Variants in RBFOX1 observed in about 807,000 individuals in gnomAD.
RBFOX1 encodes the protein RNA binding fox-1 homolog 1.
Under a neutral mutation model 57.7 loss-of-function variants are expected in RBFOX1, and 8 were observed. That is an observed-to-expected ratio of 0.14 (90% CI 0.08 to 0.25). The LOEUF (loss-of-function observed/expected upper bound fraction) is 0.25. Among genes scored for constraint, RBFOX1 ranks in the 10% least tolerant of loss-of-function variants. RBFOX1 has a pLI of 1.00. For synonymous variants in RBFOX1, 326 were observed against 222.4 expected, an observed-to-expected ratio of 1.47 and a Z score of -4.15; for missense variants, 611 against 548.5, an observed-to-expected ratio of 1.11 and a Z score of -1.14.
intron 1 of RBFOX1, among the ~76,000 whole-genome samples, chr16:6,146,132 C>T (rs894861889): frequency 1.3e-5 from 2 of 152,096 alleles, no homozygotes; most frequent in Non-Finnish European, 2.9e-5. Flanking sequence ...CCCTTTATAT[C>T]ACCCCGAAAA....
At chr16:5,801,166 A>T (rs545309432) in intron 3 of RBFOX1, among the ~76,000 whole-genome samples, 81 of 152,268 alleles carry the variant, frequency 5.3e-4, no homozygotes, top group African/African-American at 1.9e-3. Context: ...TTTTAATTAG[A>T]TCCCTTTACC....
At chr16:7,673,213 T>C (rs1297006006) in intron 13 of RBFOX1, among the ~76,000 whole-genome samples, 3 of 152,168 alleles carry the variant, frequency 2.0e-5, no homozygotes, top group Non-Finnish European at 4.4e-5. Flanking sequence ...TTTTCAAAAG[T>C]GATCTAAAGT....
intron 1 of RBFOX1, among the ~76,000 whole-genome samples, chr16:5,348,036 A>C (rs1243964326): frequency 1.4e-3 from 107 of 78,560 alleles, no homozygotes; most frequent in Middle Eastern, 8.8e-3. Flanking sequence ...CCCACCCATC[A>C]ACCCATCCAC....
chr16:6,993,444 G>A (rs958237123), intron 3 of RBFOX1, among the ~76,000 whole-genome samples: 16 of 152,124 alleles, frequency 1.1e-4, no homozygotes, highest in African/African-American at 2.9e-4. Flanking sequence ...TGCTGGCTGA[G>A]GGATCCATCA....
chr16:7,211,429 A>G (rs1196752372), intron 4 of RBFOX1, among the ~76,000 whole-genome samples: 1 of 149,210 alleles, frequency 6.7e-6, no homozygotes, highest in Non-Finnish European at 1.5e-5. Context: ...TCTGGTTTCT[A>G]AATTTAAACG....
intron 1 of RBFOX1, among the ~76,000 whole-genome samples, chr16:5,288,793 A>G (rs2063462295): frequency 6.6e-6 from 1 of 152,066 alleles, no homozygotes; most frequent in African/African-American, 2.4e-5. Flanking sequence ...ACCCAGCATC[A>G]CAGCGGCATG....
intron 4 of RBFOX1, chr16:7,126,153 T>C (rs1011334381): frequency 2.6e-5 from 4 of 153,548 alleles, no homozygotes; most frequent in African/African-American, 9.7e-5. Context: ...AATAACTGTG[T>C]CACTTCTCCC....
chr16:5,481,431 T>A (rs560637500), intron 2 of RBFOX1, among the ~76,000 whole-genome samples: 33 of 152,368 alleles, frequency 2.2e-4, no homozygotes, highest in African/African-American at 6.0e-4. Context: ...TCTAACCCAG[T>A]GTATTTTCAG....
chr16:5,615,224 T>A (rs1209073306), intron 3 of RBFOX1, among the ~76,000 whole-genome samples: 2 of 152,082 alleles, frequency 1.3e-5, no homozygotes, highest in Non-Finnish European at 2.9e-5. Context: ...ACAGATGGAG[T>A]CTCACTATGT....
intron 1 of RBFOX1, among the ~76,000 whole-genome samples, chr16:5,301,634 A>T (rs113002671): frequency 0.018 from 2,733 of 150,370 alleles, 82 homozygotes; most frequent in African/African-American, 0.063. Flanking sequence ...AAAAAAAAAA[A>T]AAAACACACA....
chr16:7,695,490 T>TA (rs1598313158), intron 14 of RBFOX1, among the ~76,000 whole-genome samples: 1 of 151,790 alleles, frequency 6.6e-6, no homozygotes, highest in African/African-American at 2.4e-5. Context: ...CCATCTCTAC[T>TA]AAAAATACAA....
intron 1 of RBFOX1, among the ~76,000 whole-genome samples, chr16:5,390,895 C>T (rs997349397): frequency 1.3e-5 from 2 of 152,190 alleles, no homozygotes; most frequent in African/African-American, 4.8e-5. Flanking sequence ...CCAGAGGAAG[C>T]AGAGCATAGG....
intron 4 of RBFOX1, among the ~76,000 whole-genome samples, chr16:7,207,727 G>T (rs553594169): frequency 6.6e-6 from 1 of 152,340 alleles, no homozygotes; most frequent in Non-Finnish European, 1.5e-5. Flanking sequence ...TCTCTGTAAG[G>T]CAGTTGCCTC....
At chr16:5,668,509 T>C (rs775894166) in intron 3 of RBFOX1, among the ~76,000 whole-genome samples, 1 of 152,182 alleles carries the variant, frequency 6.6e-6, no homozygotes, top group African/African-American at 2.4e-5. Context: ...AAGTACTTAA[T>C]AGAGCAATCT....
At chr16:6,797,139 C>T (rs2084251484) in intron 3 of RBFOX1, among the ~76,000 whole-genome samples, 1 of 152,198 alleles carries the variant, frequency 6.6e-6, no homozygotes, top group Non-Finnish European at 1.5e-5. Context: ...TTTTACTACT[C>T]TGCAGATAGG....
At chr16:6,395,456 AC>A (rs1471738782) in intron 2 of RBFOX1, among the ~76,000 whole-genome samples, 1 of 152,036 alleles carries the variant, frequency 6.6e-6, no homozygotes, top group Non-Finnish European at 1.5e-5. Flanking sequence ...GTAACTTTCT[AC>A]CTTGTGACTA....
chr16:5,657,529 C>G (rs2049467841), intron 3 of RBFOX1, among the ~76,000 whole-genome samples: 1 of 152,072 alleles, frequency 6.6e-6, no homozygotes, highest in Non-Finnish European at 1.5e-5. Flanking sequence ...TGTGGCTCAG[C>G]TGTCATATAG....
intron 3 of RBFOX1, among the ~76,000 whole-genome samples, chr16:5,849,178 T>C (rs928703828): frequency 6.6e-6 from 1 of 152,096 alleles, no homozygotes; most frequent in African/African-American, 2.4e-5. Context: ...TCTTCTTTTT[T>C]CATGGCCTTC....
chr16:6,618,012 C>T (rs949805727), intron 2 of RBFOX1, among the ~76,000 whole-genome samples: 1 of 152,128 alleles, frequency 6.6e-6, no homozygotes, highest in African/African-American at 2.4e-5. Flanking sequence ...ATCCACCTGG[C>T]AAATACCTCC....
Sources: allele counts gnomAD v4.1 joint callset (sites outside exome capture counted in the v4.1 genomes callset), GRCh38; gene constraint gnomAD v4.1.1; transcripts MANE v1.5; gene names NCBI Gene and HGNC (gene_info 2026-07-23, HGNC 2026-07-21).